The following PDE11A variants were observed in gnomAD, a reference collection of about 807,000 sequenced individuals.
The protein encoded by PDE11A is phosphodiesterase 11A.
Under a neutral mutation model 100.5 loss-of-function variants are expected in PDE11A, and 100 were observed. The ratio of observed to expected loss-of-function variants is 1.00; its 90% confidence interval spans 0.85 to 1.18. The LOEUF is 1.18. Ranked by LOEUF, PDE11A falls within the 50% of genes most tolerant of loss-of-function variation. The probability of loss-of-function intolerance (pLI) is 0.00; values close to 1 mark genes in which losing one functional copy is unlikely to be tolerated. For synonymous variants in PDE11A, 381 were observed against 420.8 expected, an observed-to-expected ratio of 0.91 and a Z score of 1.16; for missense variants, 1,141 against 1,152.6, an observed-to-expected ratio of 0.99 and a Z score of 0.15.
chr2:177,939,706 C>T (rs1019395638), intron 2 of PDE11A, among the ~76,000 whole-genome samples: 7 of 152,150 alleles, frequency 4.6e-5, no homozygotes, highest in African/African-American at 1.4e-4. Context: ...GGAAGCATTA[C>T]AGGGCAAATA....
Position 178,051,559 on chromosome 2 carries a change from G to A in PDE11A, c.912+19967C>T, listed in dbSNP as rs534792645. ...ATGCTCCAATTAAAAGACACAGACT[G>A]GCAAATTGGATAAAGAGTCAAGACC... On this transcript the variant is annotated intron_variant, in intron 1 of 19. Coordinates refer to ENST00000286063, the MANE Select transcript of PDE11A (RefSeq NM_016953.4). 7.8e-3 allele frequency among the ~76,000 whole-genome samples: 1,184 copies of A among 152,218 alleles called. 9 individuals carry two copies. Among genetic ancestry groups the A allele is most frequent in the African/African-American group, 0.027 (1,134 of 41,522 alleles).
intron 9 of PDE11A, among the ~76,000 whole-genome samples, chr2:177,804,954 G>A (rs1050256378): frequency 4.0e-5 from 6 of 151,738 alleles, no homozygotes; most frequent in Non-Finnish European, 8.8e-5. Flanking sequence ...GAGCGGGTGA[G>A]AATTGAAAAA....
chr2:177,632,037 C>T (rs1335247345), intron 19 of PDE11A, among the ~76,000 whole-genome samples: 1 of 151,976 alleles, frequency 6.6e-6, no homozygotes, highest in African/African-American at 2.4e-5. Flanking sequence ...GTAATCTTTC[C>T]ATTTGTTTTG....
intron 12 of PDE11A, among the ~76,000 whole-genome samples, chr2:177,715,280 A>G (rs2081420020): frequency 1.3e-5 from 2 of 152,290 alleles, no homozygotes; most frequent in South Asian, 4.1e-4. Context: ...ACCATTCTCA[A>G]TCCTAATACT....
In PDE11A at chr2:177,864,015, A is replaced by T. The variant is rs145403020; in HGVS notation, c.1367+11844T>A. Among the ~76,000 whole-genome samples, 18 of 152,286 alleles carry T rather than the reference A, an allele frequency of 1.2e-4. No homozygotes were observed. The East Asian group carries it at 3.5e-3, about 29-fold the overall frequency. Reference sequence around the variant, plus strand: ...ACATATATATAATGGAATGTTATTCATTCCTAAAAAAGAATCAGATGTTGC... The same window carrying T: ...ACATATATATAATGGAATGTTATTCTTTCCTAAAAAAGAATCAGATGTTGC... On this transcript the variant is annotated intron_variant, in intron 5 of 19. Coordinates refer to ENST00000286063, the MANE Select transcript of PDE11A (RefSeq NM_016953.4).
intron 1 of PDE11A, chr2:178,018,190 A>G: frequency 2.8e-6 from 1 of 355,716 alleles, no homozygotes; most frequent in Non-Finnish European, 5.5e-6. Flanking sequence ...TGTCCACTGG[A>G]CTGGTGACGG....
At chr2:177,862,071 A>G (rs1020316552) in intron 5 of PDE11A, among the ~76,000 whole-genome samples, 1 of 151,920 alleles carries the variant, frequency 6.6e-6, no homozygotes, top group Non-Finnish European at 1.5e-5. Context: ...ATTGAATATC[A>G]AAATCTAAAA....
intron 4 of PDE11A, among the ~76,000 whole-genome samples, chr2:177,890,861 C>A (rs546447907): frequency 2.6e-5 from 4 of 152,212 alleles, no homozygotes; most frequent in African/African-American, 9.6e-5. Flanking sequence ...CATTTATGTA[C>A]CCATGTTCTG....
rs1375824505 is a variant in PDE11A, at chr2:177,876,396, C to A, written c.1303-473G>T. On this transcript the variant is annotated intron_variant, in intron 4 of 19. Transcript: ENST00000286063. ...TCAGGTGAGCTTCGTGGTACCACCACCTAAAGGGTAAAGAGGAAGCCACCT... is the reference window on the plus strand; with the variant it reads ...TCAGGTGAGCTTCGTGGTACCACCAACTAAAGGGTAAAGAGGAAGCCACCT... 2.0e-5 allele frequency among the ~76,000 whole-genome samples: 3 copies of A among 147,906 alleles called. 1 individual carries two copies. The highest frequency in any genetic ancestry group is 7.7e-5 in the African/African-American group (3 of 38,744).
intron 5 of PDE11A, among the ~76,000 whole-genome samples, chr2:177,853,762 ATG>A (rs1279712427): frequency 5.1e-5 from 1 of 19,668 alleles, no homozygotes; most frequent in Non-Finnish European, 1.5e-4. Context: ...ATATCTATAT[ATG>A]TATATATATC....
At chr2:177,875,359 T>C (rs181749574) in intron 5 of PDE11A, among the ~76,000 whole-genome samples, 2 of 151,894 alleles carry the variant, frequency 1.3e-5, no homozygotes, top group African/African-American at 4.8e-5. Context: ...GTATATGCAT[T>C]TATTTATTTA....
intron 2 of PDE11A, among the ~76,000 whole-genome samples, chr2:177,949,620 A>G (rs1390625743): frequency 6.6e-6 from 1 of 152,218 alleles, no homozygotes; most frequent in Non-Finnish European, 1.5e-5. Context: ...TAAATGTGAT[A>G]AAACATGTGA....
chr2:177,948,223 C>G (rs565903462), intron 2 of PDE11A, among the ~76,000 whole-genome samples: 18 of 152,110 alleles, frequency 1.2e-4, no homozygotes, highest in African/African-American at 3.4e-4. Flanking sequence ...TAGAAATTTT[C>G]CAATTTTTTG....
intron 2 of PDE11A, among the ~76,000 whole-genome samples, chr2:177,910,434 A>C (rs199831607): frequency 0.13 from 19,182 of 150,116 alleles, 1,973 homozygotes; most frequent in African/African-American, 0.29. Context: ...CTCTCTATAT[A>C]TATATATATA....
intron 1 of PDE11A, among the ~76,000 whole-genome samples, chr2:178,021,447 G>T (rs1483341306): frequency 1.3e-5 from 2 of 152,102 alleles, no homozygotes; most frequent in Admixed American, 1.3e-4. Flanking sequence ...ACATAAATCT[G>T]TAGATTAATC....
chr2:177,798,978 A>T (rs559071976), intron 9 of PDE11A, among the ~76,000 whole-genome samples: 4 of 152,208 alleles, frequency 2.6e-5, no homozygotes, highest in Non-Finnish European at 5.9e-5. Flanking sequence ...CAAGGTTAAC[A>T]TCAATCATGG....
chr2:177,631,599 A>ATG (rs377110929), intron 19 of PDE11A, among the ~76,000 whole-genome samples: 48,529 of 72,390 alleles, frequency 0.67, 18,504 homozygotes, highest in East Asian at 0.84. Flanking sequence ...ACACATATAT[A>ATG]TGTGTGTATA....
chr2:178,015,522 G>T (rs749808956), intron 1 of PDE11A, among the ~76,000 whole-genome samples: 3 of 152,096 alleles, frequency 2.0e-5, no homozygotes, highest in Non-Finnish European at 2.9e-5. Flanking sequence ...TAAAATATGT[G>T]ATCCTTTACT....
At chr2:177,803,482 A>G (rs755619142) in intron 9 of PDE11A, among the ~76,000 whole-genome samples, 1 of 151,972 alleles carries the variant, frequency 6.6e-6, no homozygotes, top group Non-Finnish European at 1.5e-5. Flanking sequence ...TACCAAAGCC[A>G]GACAAAGACA....
Sources: gnomAD v4.1 joint callset for allele counts (sites outside exome capture counted in the v4.1 genomes callset) on GRCh38, gnomAD v4.1.1 for gene constraint, MANE v1.5 for transcripts, NCBI Gene and HGNC (gene_info 2026-07-23, HGNC 2026-07-21) for gene names.